KNOP1: variants seen among roughly 807,000 people sequenced by gnomAD.
KNOP1 encodes the protein lysine rich nucleolar protein 1, also known as lysine-rich nucleolar protein 1.
KNOP1 carries 20 observed loss-of-function variants against 30.6 expected under a neutral mutation model. That is an observed-to-expected ratio of 0.65 (90% CI 0.46 to 0.95). The LOEUF is 0.95. KNOP1 is among the 40% of genes least tolerant of loss of function. KNOP1 has a pLI of 0.00. For missense variants in KNOP1, 540 were observed against 562.0 expected, an observed-to-expected ratio of 0.96 and a Z score of 0.40; for synonymous variants, 204 against 210.0, an observed-to-expected ratio of 0.97 and a Z score of 0.25.
intron 1 of KNOP1, chr16:19,715,386 C>T (rs1976981056): frequency 5.2e-6 from 1 of 190,776 alleles, no homozygotes; most frequent in East Asian, 1.2e-4. Flanking sequence ...GGGCTTGGTA[C>T]ACTGTTAATT....
In KNOP1 at chr16:19,715,001, A is replaced by C; in HGVS notation, c.35T>G (p.Leu12Arg). Residue 12 changes from leucine to arginine, a missense_variant, in exon 2 of 5, where the codon CTC becomes CGC. By Grantham distance (102) the Leu-to-Arg change is moderately radical. Transcript: ENST00000219837. Reference protein sequence around the residue: ...ITKTHKVDLGLPEKKKKKKVV... With the variant: ...ITKTHKVDLGRPEKKKKKKVV... ...TTTCTTCTTCTTTTTCTTCTCTGGG[A>C]GCCCAAGGTCTACTTTGTGTGTCTT... 1 of 1,584,908 alleles carries C rather than the reference A, an allele frequency of 6.3e-7. No individual in the cohort carries two copies.
At chr16:19,707,291 C>A (rs919943265) in intron 4 of KNOP1, 70 bp from the exon 5 acceptor site, 4 of 1,339,652 alleles carry the variant, frequency 3.0e-6, no homozygotes, top group South Asian at 1.2e-5. Context: ...GACCCCCACC[C>A]TCATCAGGGA....
chr16:19,709,236 G>A (rs1976580191), intron 4 of KNOP1, among the ~76,000 whole-genome samples: 1 of 152,190 alleles, frequency 6.6e-6, no homozygotes, highest in African/African-American at 2.4e-5. Context: ...CTAGACAGTG[G>A]CAGAGCCAGT....
In KNOP1 at chr16:19,717,251, G is replaced by A. The variant is rs994905798; in HGVS notation, c.-3+907C>T. The A allele has an allele frequency of 7.4e-6, 7 of 943,082 alleles. No homozygotes were observed. The African/African-American group carries it at 1.1e-4, about 14-fold the overall frequency. The allele number at this position is 943,082 out of a possible 1,614,324, so 58.4% of individuals were successfully genotyped here. A position where few individuals can be genotyped will look rare whatever the true frequency, so the allele number is the denominator to read the frequency against. On this transcript the variant is annotated intron_variant, in intron 1 of 4. Coordinates refer to ENST00000219837, the MANE Select transcript of KNOP1 (RefSeq NM_001012991.3). Reference sequence around the variant, plus strand: ...GTTTCAGGCATCCACTGGGGGTTTAGGAACGTACTGCCCGCGGATAATGGG... The same window carrying A: ...GTTTCAGGCATCCACTGGGGGTTTAAGAACGTACTGCCCGCGGATAATGGG...
rs1455987970 is a variant in KNOP1, at chr16:19,705,472, C to G, written c.*1438G>C. On this transcript the variant is annotated 3_prime_UTR_variant, in exon 5 of 5. Transcript: ENST00000219837. ...GCTGTAGAGTCCAGGCTTGGAAACG[C>G]TGTCCCCACAGCCGATGAGGCAACT... The G allele has an allele frequency of 2.4e-5, 8 of 327,158 alleles. No individual in the cohort carries two copies. In the East Asian group the frequency reaches 6.7e-4, roughly 27 times the overall value. 20.3% of individuals were successfully genotyped at this position (327,158 alleles called of 1,614,324 possible). A position where few individuals can be genotyped will look rare whatever the true frequency, so the allele number is the denominator to read the frequency against.
At position 19,714,822 on chromosome 16, in the gene KNOP1, T is replaced by C. The variant is rs775686240; in HGVS notation, c.214A>G (p.Lys72Glu). The change falls in exon 2 of 5, where the codon AAG (lysine) becomes GAG (glutamate). Residue 72 changes from lysine (K) to glutamate (E), a missense_variant. Physicochemically the swap from Lys to Glu is moderately conservative, Grantham distance 56. Transcript: ENST00000219837. ...PLVKKKKKKK[K>E]GVSTLCEEHV... ...TCCTCGCAAAGGGTGCTGACACCCT[T>C]CTTTTTCTTCTTCTTTTTCTTCACT... The C allele has an allele frequency of 1.6e-5, 26 of 1,613,622 alleles. No individual in the cohort carries two copies. The South Asian group carries it at 2.4e-4, about 15-fold the overall frequency.
intron 2 of KNOP1, among the ~76,000 whole-genome samples, chr16:19,713,103 G>GTT (rs879898113): frequency 6.8e-6 from 1 of 146,552 alleles, no homozygotes; most frequent in Non-Finnish European, 1.5e-5. Context: ...TTCACCTCAA[G>GTT]TTTTTTTTTT....
rs752586146 is a variant in KNOP1 at position 19,707,196 on chromosome 16, G to A, written c.1091C>T (p.Thr364Ile). 3.2e-5 allele frequency: 52 copies of A among 1,613,280 alleles called. No individual in the cohort carries two copies. The highest frequency in any genetic ancestry group is 4.4e-5 in the Non-Finnish European group (52 of 1,179,994). Residue 364 changes from threonine (T) to isoleucine (I), a missense_variant, in exon 5 of 5, where the codon ACT (threonine) becomes ATT (isoleucine). Transcript: ENST00000219837. ...WTGTQFGQWD[T>I]AGFENEDQKL... is the part of the protein sequence containing the mutation. The stretch of plus-strand genomic sequence containing the variant: ...TTGGTCCTCGTTCTCAAAACCAGCA[G>A]TATCCCACTGGCCAAACTGGGTTCC...
chr16:19,702,995 CT>C lies in KNOP1; in HGVS notation c.*3914del, dbSNP rs1189977046. The stretch of plus-strand genomic sequence containing the variant: ...GGGCGTGGAGTGAGAGTGAGACTGT[CT>C]CAAAAAAAAAAAAAGAAAGAAAAAC... On this transcript the variant is annotated 3_prime_UTR_variant, in exon 5 of 5. Transcript: ENST00000219837. 7.5e-6 allele frequency: 1 copy of C among 132,884 alleles called. No homozygotes were observed. The highest frequency in any genetic ancestry group is 1.5e-5 in the Non-Finnish European group (1 of 64,774). 8.2% of individuals were successfully genotyped at this position (132,884 alleles called of 1,614,324 possible).
Position 19,706,131 on chromosome 16 carries a change from T to C in KNOP1, c.*779A>G, listed in dbSNP as rs1976341782. On this transcript the variant is annotated 3_prime_UTR_variant, in exon 5 of 5. Transcript: ENST00000219837. The stretch of plus-strand genomic sequence containing the variant: ...CACCTCTCTGCCTACAGCTGCTCTA[T>C]GACAGGGGAAAGGAAAAGGAAGGAA... 6.6e-6 allele frequency: 1 copy of C among 152,258 alleles called. No individual in the cohort carries two copies. The allele number at this position is 152,258 out of a possible 1,614,324, so 9.4% of individuals were successfully genotyped here.
intron 4 of KNOP1, among the ~76,000 whole-genome samples, chr16:19,708,811 G>C (rs1021622399): frequency 6.6e-6 from 1 of 152,162 alleles, no homozygotes; most frequent in East Asian, 1.9e-4. Context: ...AGTTTCTAGA[G>C]TGAGAGGCCA....
Position 19,714,614 on chromosome 16 carries a change from T to A in KNOP1, c.422A>T (p.Glu141Val). The A allele has an allele frequency of 6.2e-7, 1 of 1,614,140 alleles. No individual in the cohort carries two copies. Among genetic ancestry groups the A allele is most frequent in the Non-Finnish European group, 8.5e-7 (1 of 1,180,018 alleles). Residue 141 changes from glutamate to valine, a missense_variant, in exon 2 of 5, where the codon GAA becomes GTA. By Grantham distance (121) the Glu-to-Val change is moderately radical. Transcript: ENST00000219837. ...TTTGAGCTTCTTGCCAACTCTGGTT[T>A]CCTCCTCACCCTGTCTAGGGTCTGG... Reference protein sequence around the residue: ...TSPDPRQGEEETRVGKKLKKH... With the variant: ...TSPDPRQGEEVTRVGKKLKKH...
In KNOP1 at chr16:19,707,061, G is replaced by A. The variant is rs1286465600; in HGVS notation, c.1226C>T (p.Ala409Val). The change falls in exon 5 of 5, where the codon GCT becomes GTT. Residue 409 changes from alanine (A) to valine (V), a missense_variant. Physicochemically the swap from Ala to Val is moderately conservative, Grantham distance 64. Coordinates refer to ENST00000219837, the MANE Select transcript of KNOP1 (RefSeq NM_001012991.3). ...CTGCAGATTCTGCTGCAGGCTGTCA[G>A]CCGCCTTCTTGCCGAGGGCCATGTT... ...RPNMALGKKA[A>V]DSLQQNLQRD... 1.9e-6 allele frequency: 3 copies of A among 1,614,144 alleles called. No individual in the cohort carries two copies. The highest frequency in any genetic ancestry group is 2.5e-6 in the Non-Finnish European group (3 of 1,180,034).
intron 4 of KNOP1, among the ~76,000 whole-genome samples, chr16:19,707,922 C>T: frequency 1.0e-5 from 1 of 99,802 alleles, no homozygotes. Context: ...CCCCCACCTC[C>T]CTACATAGCA....
intron 4 of KNOP1, 80 bp downstream of exon 4, chr16:19,710,429 A>T: frequency 7.2e-7 from 1 of 1,398,498 alleles, no homozygotes; most frequent in South Asian, 1.2e-5. Flanking sequence ...CTCCTGCTCC[A>T]CTCCTCATGC....
At chr16:19,710,660 C>CGGGGCTGGGGGAACGGA in intron 3 of KNOP1, 74 bp from the exon 4 acceptor site, 1 of 1,282,108 alleles carries the variant, frequency 7.8e-7, no homozygotes. Flanking sequence ...AGGACAGAGA[C>CGGGGCTGGGGGAACGGA]GGGGCTGGGG....
At chr16:19,718,093 G>A in intron 1 of KNOP1, 65 bp downstream of exon 1, 1 of 1,426,026 alleles carries the variant, frequency 7.0e-7, no homozygotes, top group East Asian at 2.6e-5. Context: ...TCCCCGCCGC[G>A]CACTTCCTCT....
intron 4 of KNOP1, 120 bp from the exon 5 acceptor site, chr16:19,707,341 G>A: frequency 2.7e-6 from 2 of 736,178 alleles, no homozygotes; most frequent in Non-Finnish European, 4.6e-6. Context: ...ACCAGGCACA[G>A]TGCTAATAAG....
rs1260202459 is a variant in KNOP1, at chr16:19,714,425, C to T, written c.611G>A (p.Ser204Asn). 3.1e-6 allele frequency: 5 copies of T among 1,613,736 alleles called. No individual in the cohort carries two copies. In the African/African-American group the frequency reaches 4.0e-5, roughly 13 times the overall value. The change falls in exon 2 of 5, where the codon AGC becomes AAC. Residue 204 changes from serine to asparagine, a missense_variant. Coordinates refer to ENST00000219837, the MANE Select transcript of KNOP1 (RefSeq NM_001012991.3). ...CACCTTCCCATTGTGTTCTCTGGGG[C>T]TCTTCCGCTTCCGTTTCTGCCCCAA... ...AALGQKRKRKSPREHNGKVKK... is the reference protein window; with the variant it reads ...AALGQKRKRKNPREHNGKVKK...
Sources: gnomAD v4.1 joint callset for allele counts (sites outside exome capture counted in the v4.1 genomes callset) on GRCh38, gnomAD v4.1.1 for gene constraint, MANE v1.5 for transcripts, NCBI Gene and HGNC (gene_info 2026-07-23, HGNC 2026-07-21) for gene names.